JAG2: variants seen among roughly 807,000 people sequenced by gnomAD.
JAG2 encodes jagged canonical Notch ligand 2.
A neutral mutation model predicts 141.7 loss-of-function variants in JAG2; 46 were observed. The ratio of observed to expected loss-of-function variants is 0.32; its 90% CI spans 0.26 to 0.42. The LOEUF (loss-of-function observed/expected upper bound fraction) is 0.42. JAG2 is among the 10% of genes least tolerant of loss of function. JAG2 has a pLI of 1.00. For synonymous variants in JAG2, 862 were observed against 763.5 expected, an observed-to-expected ratio of 1.13 and a Z score of -2.13; for missense variants, 1,500 against 1,817.5, an observed-to-expected ratio of 0.83 and a Z score of 3.18.
intron 2 of JAG2, among the ~76,000 whole-genome samples, chr14:105,163,409 C>G (rs1331489207): frequency 1.3e-5 from 2 of 152,188 alleles, no homozygotes; most frequent in African/African-American, 4.8e-5. Context: ...CACTCCCCAG[C>G]ACACCCCCTC....
chr14:105,142,443 C>A lies in JAG2; in HGVS notation c.*252G>T, dbSNP rs1213997711. ...ACACCCTTTGCTCTCTCCTTTCATA[C>A]AGCGAGTGCCACGCACGGAAACTTT... On this transcript the variant is annotated 3_prime_UTR_variant, in exon 26 of 26. Coordinates refer to ENST00000331782, the MANE Select transcript of JAG2 (RefSeq NM_002226.5). 2 of 508,464 alleles carry A rather than the reference C, an allele frequency of 3.9e-6. No individual in the cohort carries two copies. Among genetic ancestry groups the A allele is most frequent in the South Asian group, 2.3e-5 (1 of 42,812 alleles). The allele number at this position is 508,464 out of a possible 1,614,324, so 31.5% of individuals were successfully genotyped here.
intron 20 of JAG2, 130 bp from the exon 21 acceptor site, chr14:105,146,854 C>A (rs948717024): frequency 3.8e-6 from 3 of 788,060 alleles, no homozygotes; most frequent in African/African-American, 1.7e-5. Context: ...CAGCCCCTGC[C>A]CCCGAGCCCA....
chr14:105,145,185 G>T, intron 23 of JAG2, 124 bp from the exon 24 acceptor site: 3 of 1,347,784 alleles, frequency 2.2e-6, no homozygotes, highest in Non-Finnish European at 3.1e-6. Context: ...GCACAGCAAG[G>T]ATGCCAAGGG....
chr14:105,153,440 AGAGAGCG>A (rs1169290477), intron 5 of JAG2, among the ~76,000 whole-genome samples: 1 of 152,218 alleles, frequency 6.6e-6, no homozygotes, highest in Non-Finnish European at 1.5e-5. Context: ...GTCATCGGCC[AGAGAGCG>A]GCCACAGCCG....
intron 24 of JAG2, 143 bp downstream of exon 24, chr14:105,144,787 C>A: frequency 9.2e-7 from 1 of 1,087,442 alleles, no homozygotes; most frequent in South Asian, 1.4e-5. Context: ...GCATGGACAG[C>A]GAGGGGCCGC....
chr14:105,153,528 C>T (rs1195773819), intron 5 of JAG2, among the ~76,000 whole-genome samples: 2 of 152,230 alleles, frequency 1.3e-5, no homozygotes, highest in Non-Finnish European at 2.9e-5. Flanking sequence ...CCACACCAGG[C>T]CCCCACCTCC....
chr14:105,143,091 G>A lies in JAG2; in HGVS notation c.3321C>T (p.Arg1107=). ...ACVVLCVWWT[R]KRRKERERSR... ...TCCTCTCCCGCTCTTTCCTGCGCTT[G>A]CGTGTCCACCACACGCACAGGACCA... is the stretch of plus-strand genomic sequence containing the variant. The change falls in exon 26 of 26, where the codon CGC becomes CGT. Residue 1107 remains arginine (R), a synonymous_variant. Coordinates refer to ENST00000331782, the MANE Select transcript of JAG2 (RefSeq NM_002226.5). 1 of 1,600,090 alleles carries A rather than the reference G, an allele frequency of 6.2e-7. No individual in the cohort carries two copies. The highest frequency in any genetic ancestry group is 1.1e-5 in the South Asian group (1 of 91,054).
chr14:105,156,579 G>A (rs1888589993), intron 3 of JAG2, among the ~76,000 whole-genome samples: 2 of 152,006 alleles, frequency 1.3e-5, no homozygotes, highest in African/African-American at 4.8e-5. Flanking sequence ...CAGGAGACCA[G>A]GGGCCAGGGG....
chr14:105,145,120 C>T, intron 23 of JAG2, 59 bp from the exon 24 acceptor site: 1 of 1,598,496 alleles, frequency 6.3e-7, no homozygotes, highest in Non-Finnish European at 8.5e-7. Context: ...CACCTACATC[C>T]CTGGACTGGC....
At chr14:105,157,572 A>G in intron 3 of JAG2, 134 bp downstream of exon 3, 1 of 912,520 alleles carries the variant, frequency 1.1e-6, no homozygotes, top group Non-Finnish European at 1.7e-6. Flanking sequence ...CTGGCAGCCA[A>G]AGCAAAAAGG....
intron 22 of JAG2, 81 bp from the exon 23 acceptor site, chr14:105,146,054 AG>A (rs1888213732): frequency 6.5e-7 from 1 of 1,542,496 alleles, no homozygotes; most frequent in Non-Finnish European, 8.7e-7. Flanking sequence ...ACCCACAGGC[AG>A]GCACGGGCCC....
intron 22 of JAG2, 140 bp downstream of exon 22, chr14:105,146,245 T>C (rs1888219269): frequency 1.2e-6 from 1 of 838,800 alleles, no homozygotes; most frequent in Non-Finnish European, 1.9e-6. Flanking sequence ...GGCTGAGCTC[T>C]CGCCTCCCTG....
intron 12 of JAG2, among the ~76,000 whole-genome samples, chr14:105,149,790 G>A (rs1002991415): frequency 1.4e-5 from 2 of 141,762 alleles, no homozygotes; most frequent in East Asian, 2.1e-4. Context: ...GTGGGCGGCC[G>A]AGGGTGGTAG....
chr14:105,143,350 G>T, intron 25 of JAG2, 132 bp downstream of exon 25: 1 of 1,299,860 alleles, frequency 7.7e-7, no homozygotes, highest in Non-Finnish European at 1.1e-6. Context: ...GGGGCTGGGC[G>T]GCTGGGGCAG....
At chr14:105,168,266 C>CG (rs965670366) in intron 1 of JAG2, 89 bp downstream of exon 1, 13 of 738,636 alleles carry the variant, frequency 1.8e-5, no homozygotes, top group Non-Finnish European at 2.0e-5. Flanking sequence ...TTCCGAACCA[C>CG]GGCGGCCCCA....
At chr14:105,144,895 GC>G in intron 24 of JAG2, 34 bp downstream of exon 24, 2 of 1,591,708 alleles carry the variant, frequency 1.3e-6, no homozygotes, top group Non-Finnish European at 8.5e-7. Flanking sequence ...GGGACCCAGG[GC>G]CCACCCAGGT....
At position 105,168,772 on chromosome 14, in the gene JAG2, A is replaced by C. The variant is rs959159518; in HGVS notation, c.-352T>G. ...CACCGCAGCCAACAAGTTCGGAACG[A>C]GACTGACAGCTCGCTCGCCCATTCG... On this transcript the variant is annotated 5_prime_UTR_variant, in exon 1 of 26. Transcript: ENST00000331782. 5.9e-6 allele frequency: 1 copy of C among 170,238 alleles called. No homozygotes were observed. The highest frequency in any genetic ancestry group is 2.4e-5 in the African/African-American group (1 of 40,942). 10.5% of individuals were successfully genotyped at this position (170,238 alleles called of 1,614,324 possible).
At chr14:105,145,398 A>G (rs1460243238) in intron 23 of JAG2, among the ~76,000 whole-genome samples, 1 of 152,176 alleles carries the variant, frequency 6.6e-6, no homozygotes, top group Non-Finnish European at 1.5e-5. Context: ...ACAGCAGGCA[A>G]AGGTGGCTCC....
chr14:105,158,635 C>T (rs1053676959), intron 2 of JAG2, among the ~76,000 whole-genome samples: 4 of 152,070 alleles, frequency 2.6e-5, no homozygotes, highest in Admixed American at 6.5e-5. Flanking sequence ...ATGCCCTGTA[C>T]TACCCAGCAC....
Sources: gnomAD v4.1 joint callset for allele counts (sites outside exome capture counted in the v4.1 genomes callset) on GRCh38, gnomAD v4.1.1 for gene constraint, MANE v1.5 for transcripts, NCBI Gene and HGNC (gene_info 2026-07-23, HGNC 2026-07-21) for gene names.